Variants in FBXO10 observed in about 807,000 individuals in gnomAD.
The protein encoded by FBXO10 is F-box protein 10.
A neutral mutation model predicts 80.7 loss-of-function variants in FBXO10; 39 were observed. The ratio of observed to expected loss-of-function variants is 0.48; its 90% CI spans 0.37 to 0.63. FBXO10 has a LOEUF of 0.63. FBXO10 is among the 30% of genes least tolerant of loss of function. FBXO10 has a pLI of 0.00. For missense variants in FBXO10, 1,025 were observed against 1,269.0 expected (o/e 0.81, Z 2.92); for synonymous variants, 449 against 489.6 (o/e 0.92, Z 1.09).
chr9:37,543,080 G>C (rs1243336520), intron 1 of FBXO10, among the ~76,000 whole-genome samples: 1 of 152,188 alleles, frequency 6.6e-6, no homozygotes, highest in Non-Finnish European at 1.5e-5. Context: ...GGCAGCCCCA[G>C]GACAGACTAC....
At chr9:37,513,816 C>G (rs530890942) in intron 10 of FBXO10, among the ~76,000 whole-genome samples, 10 of 152,178 alleles carry the variant, frequency 6.6e-5, no homozygotes, top group Admixed American at 2.0e-4. Context: ...TCTCGAAATC[C>G]CGACCTCAGG....
chr9:37,537,971 G>C (rs746848332), intron 2 of FBXO10, 28 bp from the exon 3 acceptor site: 1 of 1,580,932 alleles, frequency 6.3e-7, no homozygotes, highest in East Asian at 2.2e-5. Flanking sequence ...GAAAACGGCT[G>C]TAAGAGGGAT....
At chr9:37,535,591 C>T (rs954505421) in intron 3 of FBXO10, among the ~76,000 whole-genome samples, 14 of 152,104 alleles carry the variant, frequency 9.2e-5, no homozygotes, top group Non-Finnish European at 1.9e-4. Flanking sequence ...CTCCTGAGCT[C>T]AGGCAATCTG....
At chr9:37,534,494 A>C (rs1821706737) in intron 3 of FBXO10, among the ~76,000 whole-genome samples, 1 of 152,258 alleles carries the variant, frequency 6.6e-6, no homozygotes, top group Non-Finnish European at 1.5e-5. Context: ...CAAGGAGACG[A>C]GGCCTGAGCA....
rs1821047799 is a variant in FBXO10 at position 37,511,288 on chromosome 9, G to A, written c.*1259C>T. On this transcript the variant is annotated 3_prime_UTR_variant, in exon 11 of 11. Transcript: ENST00000432825. ...ATCCAGCCCTCTTCCTCAGGCAGTG[G>A]GGTCTGACCTCACCTGGCTTTGGGA... is the stretch of plus-strand genomic sequence containing the variant. The A allele has an allele frequency of 6.6e-6, 1 of 152,552 alleles. No homozygotes were observed. The highest frequency in any genetic ancestry group is 1.5e-5 in the Non-Finnish European group (1 of 68,258). The allele number at this position is 152,552 out of a possible 1,614,324, so 9.4% of individuals were successfully genotyped here. A position where few individuals can be genotyped will look rare whatever the true frequency, so the allele number is the denominator to read the frequency against.
At position 37,519,189 on chromosome 9, in the gene FBXO10, G is replaced by A. The variant is rs919611342; in HGVS notation, c.2201-751C>T. 2.0e-4 allele frequency among the ~76,000 whole-genome samples: 30 copies of A among 152,354 alleles called. 1 individual carries two copies. The South Asian group carries it at 5.0e-3, about 25-fold the overall frequency. On this transcript the variant is annotated intron_variant, in intron 8 of 10. Transcript: ENST00000432825. ...CTCCCAAAGTGCTGGGATTACAGGC[G>A]TGAGCCACCATGCCTGGCCGGAAAT...
At position 37,525,320 on chromosome 9, in the gene FBXO10, G is replaced by C. The variant is rs1821443459; in HGVS notation, c.1707-148C>G. On this transcript the variant is annotated intron_variant, in intron 5 of 10. Coordinates refer to ENST00000432825, the MANE Select transcript of FBXO10 (RefSeq NM_012166.3). ...GTGGTGGTGTGCACCTGTAGTCCCAGCTTCTTGGGAGGCTGGGGTGGAGGA... is the reference window on the plus strand; with the variant it reads ...GTGGTGGTGTGCACCTGTAGTCCCACCTTCTTGGGAGGCTGGGGTGGAGGA... The C allele has an allele frequency of 4.3e-6, 3 of 699,678 alleles. No individual in the cohort carries two copies. The South Asian group carries it at 5.5e-5, about 13-fold the overall frequency. 43.3% of individuals were successfully genotyped at this position (699,678 alleles called of 1,614,324 possible). A position where few individuals can be genotyped will look rare whatever the true frequency, so the allele number is the denominator to read the frequency against.
At position 37,526,688 on chromosome 9, in the gene FBXO10, C is replaced by T. The variant is rs568787376; in HGVS notation, c.1707-1516G>A. ...AGACCTGTGTTCTATCTGGAGGCTC[C>T]GGGGAGAATCCACTCCTCATCCTTT... On this transcript the variant is annotated intron_variant, in intron 5 of 10. Coordinates refer to ENST00000432825, the MANE Select transcript of FBXO10 (RefSeq NM_012166.3). Among the ~76,000 whole-genome samples the T allele has an allele frequency of 1.2e-4, 18 of 152,140 alleles. No homozygotes were observed. In the South Asian group the frequency reaches 2.5e-3, roughly 21 times the overall value.
intron 4 of FBXO10, among the ~76,000 whole-genome samples, chr9:37,530,423 G>A (rs1351108571): frequency 6.6e-6 from 1 of 152,032 alleles, no homozygotes; most frequent in Non-Finnish European, 1.5e-5. Flanking sequence ...CTTTCACAAC[G>A]CCAGGACTAA....
At chr9:37,540,445 G>C (rs569323280) in intron 2 of FBXO10, among the ~76,000 whole-genome samples, 1 of 152,128 alleles carries the variant, frequency 6.6e-6, no homozygotes, top group South Asian at 2.1e-4. Flanking sequence ...CCAAAGTGCT[G>C]GGATTACAGG....
chr9:37,526,319 C>G (rs1265540072), intron 5 of FBXO10, among the ~76,000 whole-genome samples: 2 of 152,138 alleles, frequency 1.3e-5, no homozygotes, highest in African/African-American at 2.4e-5. Context: ...CTCATCCAGG[C>G]CATTACAGGG....
chr9:37,548,105 T>C (rs1177262967), intron 1 of FBXO10, among the ~76,000 whole-genome samples: 8 of 152,088 alleles, frequency 5.3e-5, no homozygotes, highest in African/African-American at 1.2e-4. Context: ...TCACCAGAGG[T>C]TGGGCACAGT....
chr9:37,521,866 G>A (rs1476350759), intron 7 of FBXO10, 28 bp from the exon 8 acceptor site: 9 of 1,538,232 alleles, frequency 5.9e-6, no homozygotes, highest in South Asian at 2.5e-5. Context: ...GCTGGTCACC[G>A]ACACTGAACT....
Position 37,537,366 on chromosome 9 carries a change from G to A in FBXO10, c.1163C>T (p.Ser388Leu). ...TCCTGGTAGAGGTGGGCCCAGAAATGAGCCCCCCAATACAGGGCGTGGGCC... is the reference window on the plus strand; with the variant it reads ...TCCTGGTAGAGGTGGGCCCAGAAATAAGCCCCCCAATACAGGGCGTGGGCC... ...VQGPRPVLGG[S>L]FLGPPLPGAS... The change falls in exon 3 of 11, where the codon TCA becomes TTA. Residue 388 changes from serine (S) to leucine (L), a missense_variant. Ser to Leu is a moderately radical substitution (Grantham distance 145, BLOSUM62 -2). Transcript: ENST00000432825. 1 of 1,598,742 alleles carries A rather than the reference G, an allele frequency of 6.3e-7. No individual in the cohort carries two copies. Among genetic ancestry groups the A allele is most frequent in the Non-Finnish European group, 8.5e-7 (1 of 1,172,150 alleles).
chr9:37,571,686 T>C (rs1391890016), intron 1 of FBXO10, among the ~76,000 whole-genome samples: 1 of 135,156 alleles, frequency 7.4e-6, no homozygotes, highest in East Asian at 2.1e-4. Flanking sequence ...ATCGAAGATA[T>C]CACCATTTAA....
At chr9:37,568,673 T>C (rs372759842) in intron 1 of FBXO10, among the ~76,000 whole-genome samples, 2 of 152,228 alleles carry the variant, frequency 1.3e-5, no homozygotes, top group Admixed American at 1.3e-4. Context: ...GGAGTTCATG[T>C]GGTCTAAGGT....
chr9:37,531,978 G>A lies in FBXO10; in HGVS notation c.1500C>T (p.Ala500=), dbSNP rs61746287. The A allele has an allele frequency of 2.3e-4, 379 of 1,613,960 alleles. 2 individuals are homozygous for A. In the African/African-American group the frequency reaches 4.0e-3, roughly 17 times the overall value. ...CTGCATTGTGGTAAATGTTGTTGCC[G>A]GCAATCAAGCCACCGCCCTCCAAGC... ...FLRLEGGGLI[A]GNNIYHNAEA... is the part of the protein sequence containing the mutation. Residue 500 remains alanine, a synonymous_variant, in exon 4 of 11, where the codon GCC becomes GCT. Transcript: ENST00000432825.
At position 37,525,183 on chromosome 9, in the gene FBXO10, A is replaced by G; in HGVS notation, c.1707-11T>C. 2 of 1,558,038 alleles carry G rather than the reference A, an allele frequency of 1.3e-6. No homozygotes were observed. The highest frequency in any genetic ancestry group is 1.2e-5 in the South Asian group (1 of 84,336). Reference sequence around the variant, plus strand: ...AAGATGTGGTTCCCGCTAAAGTGGAAGGAAAACAAAACAAAGAGGTGAGCC... The same window carrying G: ...AAGATGTGGTTCCCGCTAAAGTGGAGGGAAAACAAAACAAAGAGGTGAGCC... On this transcript the variant is annotated splice_polypyrimidine_tract_variant and intron_variant, in intron 5 of 10. Coordinates refer to ENST00000432825, the MANE Select transcript of FBXO10 (RefSeq NM_012166.3).
rs892773344 is a variant in FBXO10 at position 37,529,392 on chromosome 9, C to T, written c.1570-132G>A. On this transcript the variant is annotated intron_variant, in intron 4 of 10. Transcript: ENST00000432825. ...AATGACGTCACTGTAAGAGCCCTAGCCCGTGACAAAGGGAATGGGTCACAC... is the reference window on the plus strand; with the variant it reads ...AATGACGTCACTGTAAGAGCCCTAGTCCGTGACAAAGGGAATGGGTCACAC... 4 of 980,310 alleles carry T rather than the reference C, an allele frequency of 4.1e-6. No homozygotes were observed. In the African/African-American group the frequency reaches 4.9e-5, roughly 12 times the overall value. The allele number at this position is 980,310 out of a possible 1,614,324, so 60.7% of individuals were successfully genotyped here.
Sources: gnomAD v4.1 joint callset for allele counts (sites outside exome capture counted in the v4.1 genomes callset) on GRCh38, gnomAD v4.1.1 for gene constraint, MANE v1.5 for transcripts, NCBI Gene and HGNC (gene_info 2026-07-23, HGNC 2026-07-21) for gene names.